Variants in GSK3B observed in about 807,000 individuals in gnomAD.
GSK3B encodes glycogen synthase kinase-3 beta.
GSK3B carries 15 observed loss-of-function variants against 56.4 expected under a neutral mutation model. The ratio of observed to expected loss-of-function variants is 0.27; its 90% CI spans 0.18 to 0.41. GSK3B has a LOEUF of 0.41. Ranked by LOEUF, GSK3B falls within the 10% of genes least tolerant of loss-of-function variation. GSK3B has a pLI of 1.00. For synonymous variants in GSK3B, 181 were observed against 188.9 expected, an observed-to-expected ratio of 0.96 and a Z score of 0.34; for missense variants, 300 against 513.4, an observed-to-expected ratio of 0.58 and a Z score of 4.02.
At chr3:120,021,272 G>A (rs1337080587) in intron 1 of GSK3B, among the ~76,000 whole-genome samples, 2 of 151,616 alleles carry the variant, frequency 1.3e-5, no homozygotes, top group African/African-American at 2.4e-5. Context: ...TTGGGAGGCC[G>A]AGGCAGGTGG....
chr3:120,016,680 C>T (rs2057830476), intron 1 of GSK3B, among the ~76,000 whole-genome samples: 1 of 152,204 alleles, frequency 6.6e-6, no homozygotes, highest in African/African-American at 2.4e-5. Flanking sequence ...CATACTTCTT[C>T]TGAGCCAATT....
chr3:119,831,070 C>G (rs1319601563), intron 10 of GSK3B, among the ~76,000 whole-genome samples: 2 of 152,172 alleles, frequency 1.3e-5, no homozygotes, highest in African/African-American at 2.4e-5. Context: ...TTAGCTCACA[C>G]AGCAAATCTG....
At chr3:119,884,466 A>G (rs2056412851) in intron 7 of GSK3B, among the ~76,000 whole-genome samples, 1 of 152,108 alleles carries the variant, frequency 6.6e-6, no homozygotes, top group East Asian at 1.9e-4. Flanking sequence ...TAGACACATC[A>G]ATTTTCTTTT....
intron 2 of GSK3B, among the ~76,000 whole-genome samples, chr3:119,982,231 G>C (rs1329822107): frequency 6.6e-6 from 1 of 152,084 alleles, no homozygotes; most frequent in East Asian, 1.9e-4. Context: ...AAAGAACGAA[G>C]GTAGATAAAA....
chr3:120,017,785 T>TG (rs1218060833), intron 1 of GSK3B, among the ~76,000 whole-genome samples: 1 of 152,204 alleles, frequency 6.6e-6, no homozygotes. Flanking sequence ...TATCACACAC[T>TG]GGGGGCGTCC....
intron 2 of GSK3B, among the ~76,000 whole-genome samples, chr3:119,982,544 T>C (rs527850720): frequency 6.6e-6 from 1 of 152,324 alleles, no homozygotes; most frequent in African/African-American, 2.4e-5. Context: ...CTGAAAATCA[T>C]GGCACAAGAA....
intron 1 of GSK3B, among the ~76,000 whole-genome samples, chr3:120,085,455 A>G (rs1318841877): frequency 6.6e-6 from 1 of 152,208 alleles, no homozygotes; most frequent in Admixed American, 6.5e-5. Flanking sequence ...ACATACTCAA[A>G]ATCTAGCATT....
At chr3:119,959,496 TTCTC>T (rs1321961525) in intron 2 of GSK3B, among the ~76,000 whole-genome samples, 3 of 148,608 alleles carry the variant, frequency 2.0e-5, no homozygotes, top group African/African-American at 5.0e-5. Context: ...TGATTCCTCT[TTCTC>T]TCTGACTTTT....
At chr3:120,057,705 T>G (rs566978642) in intron 1 of GSK3B, among the ~76,000 whole-genome samples, 3 of 152,310 alleles carry the variant, frequency 2.0e-5, no homozygotes, top group Non-Finnish European at 2.9e-5. Flanking sequence ...CTAGAAATTT[T>G]AGGTATGTTC....
intron 7 of GSK3B, among the ~76,000 whole-genome samples, chr3:119,904,180 T>C (rs1181050215): frequency 6.6e-6 from 1 of 152,182 alleles, no homozygotes; most frequent in African/African-American, 2.4e-5. Flanking sequence ...GAAGTACCTA[T>C]ATGATATCCT....
chr3:120,081,612 A>T (rs1421930626), intron 1 of GSK3B, among the ~76,000 whole-genome samples: 1 of 152,216 alleles, frequency 6.6e-6, no homozygotes, highest in Non-Finnish European at 1.5e-5. Flanking sequence ...ATGTTCCTAG[A>T]AACATCAGCA....
intron 2 of GSK3B, among the ~76,000 whole-genome samples, chr3:119,994,037 AT>A (rs2057591279): frequency 6.6e-6 from 1 of 151,812 alleles, no homozygotes; most frequent in African/African-American, 2.4e-5. Context: ...ATTTTTTTCT[AT>A]TTTTTAGTAG....
intron 2 of GSK3B, among the ~76,000 whole-genome samples, chr3:119,998,873 T>C (rs2057649662): frequency 6.6e-6 from 1 of 152,142 alleles, no homozygotes; most frequent in South Asian, 2.1e-4. Flanking sequence ...ATACTCCTAA[T>C]ATCTAAAGGC....
chr3:120,006,940 A>AG (rs2107491365), intron 1 of GSK3B, among the ~76,000 whole-genome samples: 1 of 152,020 alleles, frequency 6.6e-6, no homozygotes, highest in Non-Finnish European at 1.5e-5. Flanking sequence ...AGATAGAGAC[A>AG]GAAAAAAAAC....
At chr3:119,909,317 G>A (rs529458028) in intron 6 of GSK3B, among the ~76,000 whole-genome samples, 2 of 152,192 alleles carry the variant, frequency 1.3e-5, no homozygotes, top group South Asian at 4.1e-4. Flanking sequence ...GGCCAGGTCT[G>A]TTTTTTGTTT....
At chr3:120,011,821 G>C (rs1468729783) in intron 1 of GSK3B, among the ~76,000 whole-genome samples, 1 of 152,114 alleles carries the variant, frequency 6.6e-6, no homozygotes, top group Non-Finnish European at 1.5e-5. Flanking sequence ...TGTTTACAAA[G>C]AACAATCCCA....
At chr3:119,977,981 A>T (rs2057423155) in intron 2 of GSK3B, among the ~76,000 whole-genome samples, 1 of 152,218 alleles carries the variant, frequency 6.6e-6, no homozygotes. Context: ...TGGGCTGGGC[A>T]TTGCTGTATT....
chr3:119,894,994 A>G (rs1238612441), intron 7 of GSK3B, among the ~76,000 whole-genome samples: 2 of 152,298 alleles, frequency 1.3e-5, no homozygotes, highest in East Asian at 3.9e-4. Flanking sequence ...GAATAACAGA[A>G]TCAGACTAAT....
intron 1 of GSK3B, among the ~76,000 whole-genome samples, chr3:120,048,869 A>G (rs1056014828): frequency 6.6e-6 from 1 of 152,214 alleles, no homozygotes; most frequent in African/African-American, 2.4e-5. Flanking sequence ...TTCCATCTAA[A>G]TTGTCACTTA....
Sources: gnomAD v4.1 joint callset for allele counts (sites outside exome capture counted in the v4.1 genomes callset) on GRCh38, gnomAD v4.1.1 for gene constraint, MANE v1.5 for transcripts, NCBI Gene and HGNC (gene_info 2026-07-23, HGNC 2026-07-21) for gene names.